COL5A2: variants seen among roughly 807,000 people sequenced by gnomAD.
COL5A2 encodes collagen type V alpha 2 chain.
Under a neutral mutation model 208.2 loss-of-function variants are expected in COL5A2, and 23 were observed. The ratio of observed to expected loss-of-function variants is 0.11; its 90% CI spans 0.08 to 0.16. COL5A2 has a LOEUF of 0.16. COL5A2 is among the 10% of genes least tolerant of loss of function. COL5A2 has a pLI of 1.00. For synonymous variants in COL5A2, 625 were observed against 628.5 expected, an observed-to-expected ratio of 0.99 and a Z score of 0.08; for missense variants, 1,590 against 1,956.4, an observed-to-expected ratio of 0.81 and a Z score of 3.53.
At chr2:189,388,033 C>G in the COL5A2 span, among the ~76,000 whole-genome samples, 3 of 152,110 alleles carry the variant, frequency 2.0e-5, no homozygotes, top group Admixed American at 2.0e-4. Context: ...AATCTGCCCA[C>G]CTCAGCCTCC....
chr2:189,339,366 A>T, the COL5A2 span, among the ~76,000 whole-genome samples: 1 of 151,666 alleles, frequency 6.6e-6, no homozygotes, highest in South Asian at 2.1e-4. Context: ...AAAAAAAAAA[A>T]AAGATTTGTT....
At chr2:189,424,914 C>A in the COL5A2 span, among the ~76,000 whole-genome samples, 1 of 152,156 alleles carries the variant, frequency 6.6e-6, no homozygotes, top group South Asian at 2.1e-4. Context: ...AGATATATTA[C>A]AAAGCTCTAG....
intron 1 of COL5A2, among the ~76,000 whole-genome samples, chr2:189,185,583 C>T (rs541537191): frequency 6.6e-6 from 1 of 152,164 alleles, no homozygotes; most frequent in African/African-American, 2.4e-5. Flanking sequence ...GTGGATGATA[C>T]AGCTGGCAAA....
rs779528563 is a variant in COL5A2 at position 189,179,635 on chromosome 2, A to G, written c.-31T>C. Reference sequence around the variant, plus strand: ...AATATTAGACATGTGGGTTCTCCTGAGAGTGAAAAGTAGATTCTGAGGTTA... The same window carrying G: ...AATATTAGACATGTGGGTTCTCCTGGGAGTGAAAAGTAGATTCTGAGGTTA... On this transcript the variant is annotated 5_prime_UTR_variant, in exon 1 of 54. Coordinates refer to ENST00000374866, the MANE Select transcript of COL5A2 (RefSeq NM_000393.5). The G allele has an allele frequency of 3.2e-6, 5 of 1,578,844 alleles. No homozygotes were observed. The highest frequency in any genetic ancestry group is 3.5e-6 in the Non-Finnish European group (4 of 1,159,326).
At chr2:189,107,119 A>G (rs2105705072) in intron 2 of COL5A2, among the ~76,000 whole-genome samples, 1 of 151,602 alleles carries the variant, frequency 6.6e-6, no homozygotes, top group East Asian at 1.9e-4. Flanking sequence ...AATGTTCAAG[A>G]AGAGGATTTA....
At chr2:189,142,693 A>G (rs1687957126) in intron 1 of COL5A2, among the ~76,000 whole-genome samples, 1 of 152,176 alleles carries the variant, frequency 6.6e-6, no homozygotes, top group African/African-American at 2.4e-5. Context: ...TACTATGATT[A>G]CCCTGCAATC....
chr2:189,323,618 T>C, the COL5A2 span, among the ~76,000 whole-genome samples: 5,498 of 152,164 alleles, frequency 0.036, 114 homozygotes, highest in Admixed American at 0.05. Flanking sequence ...TTACTAGGGA[T>C]GTGAAGGACC....
intron 46 of COL5A2, 106 bp from the exon 47 acceptor site, chr2:189,045,338 ATATG>A (rs1166346350): frequency 5.9e-5 from 42 of 706,680 alleles, no homozygotes; most frequent in East Asian, 2.2e-4. Context: ...GCATATATAT[ATATG>A]TGTGTGTGTG....
chr2:189,040,497 A>C (rs532942499), intron 50 of COL5A2, among the ~76,000 whole-genome samples: 257 of 152,230 alleles, frequency 1.7e-3, no homozygotes, highest in Non-Finnish European at 2.9e-3. Context: ...ACCTGAAGAG[A>C]CACATAGTCC....
the COL5A2 span, among the ~76,000 whole-genome samples, chr2:189,345,634 T>C: frequency 1.1e-3 from 169 of 152,290 alleles, no homozygotes; most frequent in African/African-American, 3.7e-3. Context: ...ACAGTATTAA[T>C]TGCCATAGAA....
intron 19 of COL5A2, 99 bp from the exon 20 acceptor site, chr2:189,068,369 G>A (rs1686200055): frequency 9.3e-7 from 1 of 1,079,122 alleles, no homozygotes; most frequent in Non-Finnish European, 1.4e-6. Flanking sequence ...AAAGGAAGTA[G>A]AAGCATTTTT....
At chr2:189,087,559 G>T (rs1686689504) in intron 8 of COL5A2, among the ~76,000 whole-genome samples, 1 of 151,528 alleles carries the variant, frequency 6.6e-6, no homozygotes, top group Non-Finnish European at 1.5e-5. Flanking sequence ...CACCTCCCGG[G>T]TTCACGCCTC....
At chr2:189,039,226 A>AATCAG (rs1685505739) in intron 51 of COL5A2, 46 bp downstream of exon 51, 3 of 1,608,786 alleles carry the variant, frequency 1.9e-6, no homozygotes, top group Middle Eastern at 1.7e-4. Context: ...GAGAATAAAC[A>AATCAG]ATCAGAAACA....
intron 1 of COL5A2, among the ~76,000 whole-genome samples, chr2:189,126,431 A>G (rs1229683816): frequency 1.3e-5 from 2 of 152,082 alleles, no homozygotes. Flanking sequence ...TATTAAAAAT[A>G]AGTTTTTTTA....
intron 17 of COL5A2, among the ~76,000 whole-genome samples, chr2:189,072,587 C>T (rs561288095): frequency 6.6e-6 from 1 of 151,932 alleles, no homozygotes; most frequent in Non-Finnish European, 1.5e-5. Flanking sequence ...GCCTGGCCAA[C>T]GTGGTGAAAC....
At chr2:189,082,128 T>A (rs894998888) in intron 12 of COL5A2, among the ~76,000 whole-genome samples, 2 of 152,222 alleles carry the variant, frequency 1.3e-5, no homozygotes, top group Non-Finnish European at 2.9e-5. Flanking sequence ...CATAGCACTT[T>A]AACCTTTCCT....
At chr2:189,438,759 T>C in the COL5A2 span, among the ~76,000 whole-genome samples, 1 of 152,206 alleles carries the variant, frequency 6.6e-6, no homozygotes, top group Non-Finnish European at 1.5e-5. Flanking sequence ...CGATAATTTG[T>C]GCATCATAGA....
intron 3 of COL5A2, among the ~76,000 whole-genome samples, chr2:189,100,769 C>A (rs986554367): frequency 1.3e-5 from 2 of 151,724 alleles, no homozygotes; most frequent in Non-Finnish European, 2.9e-5. Context: ...CTAAGAAAAT[C>A]AAAAACAACA....
At chr2:189,068,650 A>T in intron 19 of COL5A2, 136 bp downstream of exon 19, 1 of 698,972 alleles carries the variant, frequency 1.4e-6, no homozygotes, top group East Asian at 2.7e-5. Flanking sequence ...TCTTAGGCAT[A>T]TAACAGAACA....
Sources: allele counts gnomAD v4.1 joint callset (sites outside exome capture counted in the v4.1 genomes callset), GRCh38; gene constraint gnomAD v4.1.1; transcripts MANE v1.5; gene names NCBI Gene and HGNC (gene_info 2026-07-23, HGNC 2026-07-21).